Variants in RGS7 observed in about 807,000 individuals in gnomAD.
RGS7 encodes regulator of G protein signaling 7.
RGS7 carries 27 observed loss-of-function variants against 81.1 expected under a neutral mutation model. That is an observed-to-expected ratio of 0.33 (90% confidence interval 0.25 to 0.46). RGS7 has a LOEUF of 0.46. Among genes scored for constraint, RGS7 ranks in the 20% least tolerant of loss-of-function variants. The probability of loss-of-function intolerance (pLI) is 1.00; values close to 1 mark genes in which losing one functional copy is unlikely to be tolerated. For synonymous variants in RGS7, 208 were observed against 207.7 expected, an observed-to-expected ratio of 1.00 and a Z score of -0.01; for missense variants, 396 against 607.4, an observed-to-expected ratio of 0.65 and a Z score of 3.66.
At chr1:241,239,618 T>C (rs1009183310) in intron 2 of RGS7, among the ~76,000 whole-genome samples, 6 of 152,146 alleles carry the variant, frequency 3.9e-5, no homozygotes, top group African/African-American at 1.4e-4. Context: ...CCTTCATCTT[T>C]TTTACTCTCC....
At chr1:241,025,862 G>A (rs2059756265) in intron 3 of RGS7, among the ~76,000 whole-genome samples, 1 of 152,156 alleles carries the variant, frequency 6.6e-6, no homozygotes, top group Non-Finnish European at 1.5e-5. Flanking sequence ...CTCACTTTCT[G>A]GAAGTTAGAG....
chr1:240,831,920 A>C (rs1693923983), intron 9 of RGS7, among the ~76,000 whole-genome samples: 1 of 152,192 alleles, frequency 6.6e-6, no homozygotes, highest in Non-Finnish European at 1.5e-5. Flanking sequence ...TACAGGCATG[A>C]GTCACTGTGC....
rs539534240 is a variant in RGS7, at chr1:240,793,063, A to G, written c.*6+7578T>C. 8.0e-4 allele frequency among the ~76,000 whole-genome samples: 122 copies of G among 152,140 alleles called. 1 individual carries two copies. Among genetic ancestry groups the G allele is most frequent in the Non-Finnish European group, 1.4e-3 (93 of 68,032 alleles). On this transcript the variant is annotated intron_variant, in intron 18 of 18. Transcript: ENST00000440928. ...TCATTGGAACACAATACTTTGGGAAATGCTGTAGAAACTTCTGCCCCTGGC... is the reference window on the plus strand; with the variant it reads ...TCATTGGAACACAATACTTTGGGAAGTGCTGTAGAAACTTCTGCCCCTGGC...
chr1:241,244,999 C>G (rs1417338819), intron 2 of RGS7, among the ~76,000 whole-genome samples: 1 of 151,138 alleles, frequency 6.6e-6, no homozygotes, highest in Non-Finnish European at 1.5e-5. Flanking sequence ...GGAGATATAC[C>G]TAATGTTAAA....
chr1:240,939,401 C>T (rs1572871005), intron 4 of RGS7, among the ~76,000 whole-genome samples: 1 of 152,146 alleles, frequency 6.6e-6, no homozygotes, highest in Admixed American at 6.5e-5. Flanking sequence ...AGTGAGGAAT[C>T]CTGACAGTCC....
Position 240,800,704 on chromosome 1 carries a change from A to G in RGS7, c.1431T>C (p.Ile477=). 1.3e-6 allele frequency: 2 copies of G among 1,546,120 alleles called. No individual in the cohort carries two copies. Among genetic ancestry groups the G allele is most frequent in the South Asian group, 2.4e-5 (2 of 83,872 alleles). Residue 477 remains isoleucine, a synonymous_variant, in exon 18 of 19, where the codon ATT becomes ATC. Transcript: ENST00000440928. ...FAQNVGRNIP[I]FPCHKNCTPT... ...GTGTACAGTTTTTATGGCATGGGAA[A>G]ATAGGGATGTTTCTGCCCTATAAAA...
intron 2 of RGS7, among the ~76,000 whole-genome samples, chr1:241,303,630 C>A (rs2079907627): frequency 6.6e-6 from 1 of 152,102 alleles, no homozygotes; most frequent in Non-Finnish European, 1.5e-5. Context: ...GAATAGTGAT[C>A]AAAATAAAAT....
chr1:240,900,172 A>G (rs541868218), intron 6 of RGS7, among the ~76,000 whole-genome samples: 1 of 152,264 alleles, frequency 6.6e-6, no homozygotes, highest in South Asian at 2.1e-4. Context: ...TGTTTATTCT[A>G]GTTAGCCATT....
intron 2 of RGS7, among the ~76,000 whole-genome samples, chr1:241,254,231 AGTG>A (rs1281045857): frequency 1.3e-5 from 2 of 151,364 alleles, no homozygotes; most frequent in African/African-American, 4.8e-5. Context: ...GAAAGAAATT[AGTG>A]GTGAAGCCAT....
chr1:240,785,979 C>T (rs550016763), intron 18 of RGS7, among the ~76,000 whole-genome samples: 1 of 152,270 alleles, frequency 6.6e-6, no homozygotes, highest in Admixed American at 6.5e-5. Flanking sequence ...AGTTTTGAAA[C>T]TGTCATATTT....
intron 2 of RGS7, among the ~76,000 whole-genome samples, chr1:241,306,338 T>TAC (rs2080130023): frequency 6.9e-6 from 1 of 144,006 alleles, no homozygotes; most frequent in South Asian, 2.2e-4. Context: ...CTTACACACA[T>TAC]CCTCACATGT....
At chr1:241,236,688 A>C (rs2075997131) in intron 2 of RGS7, among the ~76,000 whole-genome samples, 1 of 152,196 alleles carries the variant, frequency 6.6e-6, no homozygotes, top group Non-Finnish European at 1.5e-5. Flanking sequence ...GAAAGTTTCC[A>C]GTTTTATTGC....
At chr1:241,342,018 G>A (rs2082589084) in intron 2 of RGS7, among the ~76,000 whole-genome samples, 2 of 151,764 alleles carry the variant, frequency 1.3e-5, no homozygotes, top group South Asian at 2.1e-4. Context: ...GAAATTACAG[G>A]CCCGTACCAC....
chr1:240,799,253 TTGTGTGTG>T (rs143900617), intron 18 of RGS7, among the ~76,000 whole-genome samples: 10 of 59,254 alleles, frequency 1.7e-4, no homozygotes, highest in South Asian at 1.2e-3. Context: ...TTATTATGGT[TTGTGTGTG>T]TGTGTGTGTG....
chr1:240,973,231 T>C (rs1683525550), intron 4 of RGS7, among the ~76,000 whole-genome samples: 1 of 152,132 alleles, frequency 6.6e-6, no homozygotes, highest in Admixed American at 6.5e-5. Context: ...TAAAATAATT[T>C]AATTAAGGCT....
intron 14 of RGS7, among the ~76,000 whole-genome samples, chr1:240,807,593 T>C (rs1361352608): frequency 1.3e-5 from 2 of 152,198 alleles, no homozygotes; most frequent in African/African-American, 4.8e-5. Context: ...CATTTCCAGA[T>C]TTTGTTTTTT....
chr1:240,945,134 C>T (rs1246887826), intron 4 of RGS7, among the ~76,000 whole-genome samples: 1 of 152,226 alleles, frequency 6.6e-6, no homozygotes, highest in Admixed American at 6.5e-5. Context: ...GCAGAGCAGC[C>T]GCCATCCTTA....
At chr1:241,165,525 C>T (rs1458872718) in intron 2 of RGS7, among the ~76,000 whole-genome samples, 2 of 149,942 alleles carry the variant, frequency 1.3e-5, no homozygotes, top group Non-Finnish European at 3.0e-5. Context: ...TAAACTATCG[C>T]AAGAACAAAA....
Position 241,056,234 on chromosome 1 carries a change from T to C in RGS7, c.175+42432A>G, listed in dbSNP as rs373482018. ...TTGGAATAATTTATCCTTAGACATTTTGTATGTATGCTTCTTTCTTACCAT... is the reference window on the plus strand; with the variant it reads ...TTGGAATAATTTATCCTTAGACATTCTGTATGTATGCTTCTTTCTTACCAT... On this transcript the variant is annotated intron_variant, in intron 3 of 18. Coordinates refer to ENST00000440928, the MANE Select transcript of RGS7 (RefSeq NM_001364886.1). 6.2e-4 allele frequency among the ~76,000 whole-genome samples: 94 copies of C among 152,322 alleles called. 1 individual carries two copies. Among genetic ancestry groups the C allele is most frequent in the African/African-American group, 2.2e-3 (91 of 41,572 alleles).
Sources: gnomAD v4.1 joint callset for allele counts (sites outside exome capture counted in the v4.1 genomes callset) on GRCh38, gnomAD v4.1.1 for gene constraint, MANE v1.5 for transcripts, NCBI Gene and HGNC (gene_info 2026-07-23, HGNC 2026-07-21) for gene names.